The following LACTB variants were observed in gnomAD, a reference collection of about 807,000 sequenced individuals.
LACTB encodes lactamase beta, also known as serine beta-lactamase-like protein LACTB, mitochondrial.
Under a neutral mutation model 50.2 loss-of-function variants are expected in LACTB, and 35 were observed. The ratio of observed to expected loss-of-function variants is 0.70; its 90% CI spans 0.53 to 0.92. The LOEUF (loss-of-function observed/expected upper bound fraction) is 0.92, where lower values mean the gene tolerates loss of function less well. Among genes scored for constraint, LACTB ranks in the 40% least tolerant of loss-of-function variants. LACTB has a pLI of 0.00. For missense variants in LACTB, 664 were observed against 691.8 expected (o/e 0.96, Z 0.45); for synonymous variants, 252 against 268.2 (o/e 0.94, Z 0.59).
At position 63,127,585 on chromosome 15, in the gene LACTB, A is replaced by T; in HGVS notation, c.848A>T (p.Lys283Ile). Residue 283 changes from lysine to isoleucine, a missense_variant, in exon 4 of 6, where the codon AAA becomes ATA. Transcript: ENST00000261893. ...AKCRNSKPGK[K>I]KNDFEQGELY... ...TGCCGGAATTCAAAACCTGGCAAGAAAAAGAATGATTTTGAACAAGGCGAA... is the reference window on the plus strand; with the variant it reads ...TGCCGGAATTCAAAACCTGGCAAGATAAAGAATGATTTTGAACAAGGCGAA... 5.6e-6 allele frequency: 9 copies of T among 1,613,626 alleles called. No homozygotes were observed. Among genetic ancestry groups the T allele is most frequent in the Non-Finnish European group, 7.6e-6 (9 of 1,179,652 alleles).
Position 63,127,059 on chromosome 15 carries a change from C to A in LACTB, c.615+10C>A, listed in dbSNP as rs533247795. On this transcript the variant is annotated intron_variant, in intron 3 of 5. Coordinates refer to ENST00000261893, the MANE Select transcript of LACTB (RefSeq NM_032857.5). ...ATATGAAGGTGAAAAGGTACTGAAA[C>A]TCACAGTTCATTTTACTAATGGCAT... The A allele has an allele frequency of 6.4e-7, 1 of 1,559,670 alleles. No homozygotes were observed. Among genetic ancestry groups the A allele is most frequent in the East Asian group, 2.3e-5 (1 of 43,742 alleles).
chr15:63,123,913 C>T (rs1434893607), intron 2 of LACTB, among the ~76,000 whole-genome samples: 2 of 152,162 alleles, frequency 1.3e-5, no homozygotes, highest in East Asian at 1.9e-4. Context: ...GTTAGGCCTC[C>T]GGATAACTGC....
chr15:63,137,292 C>T (rs192997211), intron 5 of LACTB, among the ~76,000 whole-genome samples: 1 of 152,288 alleles, frequency 6.6e-6, no homozygotes, highest in Non-Finnish European at 1.5e-5. Context: ...CTGAAAGACA[C>T]TCAATTTGTT....
intron 4 of LACTB, among the ~76,000 whole-genome samples, chr15:63,128,485 C>CT (rs1874068484): frequency 6.6e-6 from 1 of 152,018 alleles, no homozygotes; most frequent in African/African-American, 2.4e-5. Flanking sequence ...GTAAGTAGTC[C>CT]TAGCTACTCA....
intron 5 of LACTB, 176 bp downstream of exon 5, chr15:63,129,826 T>C (rs2037106029): frequency 1.1e-5 from 9 of 788,724 alleles, no homozygotes; most frequent in Non-Finnish European, 1.6e-5. Flanking sequence ...GTTTATAAAG[T>C]ACACTAAGAC....
chr15:63,126,894 T>G lies in LACTB; in HGVS notation c.460T>G (p.Cys154Gly). The change falls in exon 3 of 6, where the codon TGT becomes GGT. Residue 154 changes from cysteine to glycine, a missense_variant. Cys to Gly is a radical substitution (Grantham distance 159, BLOSUM62 -3). Coordinates refer to ENST00000261893, the MANE Select transcript of LACTB (RefSeq NM_032857.5). ...TGCTGATGTTGAGAACCGTGTACCA[T>G]GTAAACCAGAGACAGTTATGCGAAT... is the stretch of plus-strand genomic sequence containing the variant. ...GYADVENRVPCKPETVMRIAS... is the reference protein window; with the variant it reads ...GYADVENRVPGKPETVMRIAS... 6.2e-7 allele frequency: 1 copy of G among 1,611,854 alleles called. No homozygotes were observed. The highest frequency in any genetic ancestry group is 8.5e-7 in the Non-Finnish European group (1 of 1,178,698).
rs139183549 is a variant in LACTB, at chr15:63,129,526, G to T, written c.994G>T (p.Ala332Ser). Residue 332 changes from alanine to serine, a missense_variant, in exon 5 of 6, where the codon GCA (alanine) becomes TCA (serine). Transcript: ENST00000261893. ...TTCAACTTTTGGCTATACCCTACTG[G>T]CAGCCATAGTAGAGAGAGCTTCAGG... ...LYSTFGYTLL[A>S]AIVERASGCK... 5.2e-5 allele frequency: 84 copies of T among 1,609,702 alleles called. No individual in the cohort carries two copies. The highest frequency in any genetic ancestry group is 6.8e-5 in the Non-Finnish European group (80 of 1,177,992).
chr15:63,129,725 C>A (rs963619078), intron 5 of LACTB, 75 bp downstream of exon 5: 7 of 1,352,504 alleles, frequency 5.2e-6, no homozygotes, highest in Admixed American at 5.9e-5. Context: ...GTCAAATTTT[C>A]TTTGTTTCCA....
intron 5 of LACTB, among the ~76,000 whole-genome samples, chr15:63,131,902 C>G (rs986974420): frequency 6.6e-6 from 1 of 151,690 alleles, no homozygotes; most frequent in Non-Finnish European, 1.5e-5. Flanking sequence ...CTGAGGTCGC[C>G]CCACTACACT....
chr15:63,138,156 T>C (rs2037192947), intron 5 of LACTB, among the ~76,000 whole-genome samples: 1 of 152,014 alleles, frequency 6.6e-6, no homozygotes, highest in East Asian at 1.9e-4. Context: ...CAAAACCCTC[T>C]CTCTACAAAA....
At chr15:63,135,657 C>T (rs201030800) in intron 5 of LACTB, among the ~76,000 whole-genome samples, 16 of 152,116 alleles carry the variant, frequency 1.1e-4, no homozygotes, top group East Asian at 9.6e-4. Flanking sequence ...AAGTTGATGC[C>T]GCAGTGAGCT....
intron 5 of LACTB, among the ~76,000 whole-genome samples, chr15:63,139,336 C>G (rs1483778442): frequency 6.7e-6 from 1 of 149,248 alleles, no homozygotes; most frequent in South Asian, 2.1e-4. Flanking sequence ...AGCCTGGGCA[C>G]CAGAGCAAGA....
rs937878284 is a variant in LACTB, at chr15:63,121,961, C to T, written c.90C>T (p.Arg30=). Residue 30 remains arginine, a synonymous_variant, in exon 1 of 6, where the codon CGC becomes CGT. Transcript: ENST00000261893. The part of the protein sequence containing the change: ...SSCGRRGVHQ[R]AGLPPLGHGW... Reference sequence around the variant, plus strand: ...GCGGACGACGCGGGGTCCATCAGCGCGCCGGGCTGCCGCCTCTCGGCCACG... The same window carrying T: ...GCGGACGACGCGGGGTCCATCAGCGTGCCGGGCTGCCGCCTCTCGGCCACG... The T allele has an allele frequency of 8.0e-6, 11 of 1,381,854 alleles. No homozygotes were observed. The highest frequency in any genetic ancestry group is 9.3e-6 in the Non-Finnish European group (10 of 1,076,494). 85.6% of individuals were successfully genotyped at this position (1,381,854 alleles called of 1,614,324 possible). A position where few individuals can be genotyped will look rare whatever the true frequency, so the allele number is the denominator to read the frequency against.
At chr15:63,130,618 G>A (rs9788649) in intron 5 of LACTB, 15,310 of 151,228 alleles carry the variant, frequency 0.1, 1,201 homozygotes, top group East Asian at 0.44. Context: ...TTCCAATAAT[G>A]TCCTTTATAG....
At chr15:63,124,796 C>T (rs928393161) in intron 2 of LACTB, among the ~76,000 whole-genome samples, 1 of 151,616 alleles carries the variant, frequency 6.6e-6, no homozygotes, top group African/African-American at 2.4e-5. Flanking sequence ...CTACTAAAAA[C>T]ACAAAAAATT....
intron 5 of LACTB, among the ~76,000 whole-genome samples, chr15:63,132,591 G>A (rs968490408): frequency 6.6e-5 from 10 of 152,144 alleles, no homozygotes; most frequent in African/African-American, 2.4e-4. Flanking sequence ...GCTGAAGCAG[G>A]TGGATTGTCT....
intron 5 of LACTB, among the ~76,000 whole-genome samples, chr15:63,136,502 G>A (rs1347247716): frequency 6.6e-6 from 1 of 151,728 alleles, no homozygotes; most frequent in Non-Finnish European, 1.5e-5. Context: ...AGATAAAATG[G>A]GCTGCTGAAA....
chr15:63,138,536 A>T (rs1299783726), intron 5 of LACTB, among the ~76,000 whole-genome samples: 2 of 152,208 alleles, frequency 1.3e-5, no homozygotes, highest in Admixed American at 1.3e-4. Flanking sequence ...GGTAAAGTTT[A>T]TCTTTCAGCT....
intron 5 of LACTB, among the ~76,000 whole-genome samples, chr15:63,138,206 G>C (rs536135094): frequency 6.6e-6 from 1 of 152,124 alleles, no homozygotes; most frequent in Admixed American, 6.5e-5. Context: ...TGTGCCTGTA[G>C]TGCCAGCTAC....
Sources: allele counts gnomAD v4.1 joint callset (sites outside exome capture counted in the v4.1 genomes callset), GRCh38; gene constraint gnomAD v4.1.1; transcripts MANE v1.5; gene names NCBI Gene and HGNC (gene_info 2026-07-23, HGNC 2026-07-21).